The following ZNF433 variants were observed in gnomAD, a reference collection of about 807,000 sequenced individuals.
ZNF433 encodes the protein zinc finger protein 433.
ZNF433 carries 12 observed loss-of-function variants against 10.6 expected under a neutral mutation model. That is an observed-to-expected ratio of 1.13 (90% confidence interval 0.72 to 1.83). ZNF433 has a LOEUF of 1.83. Among genes scored for constraint, ZNF433 ranks in the 40% most tolerant of loss-of-function variants. The pLI is 0.00. For missense variants in ZNF433, 737 were observed against 798.0 expected (o/e 0.92, Z 0.92); for synonymous variants, 272 against 271.3 (o/e 1.00, Z -0.02).
At chr19:12,028,056 T>G (rs1261596932) in intron 1 of ZNF433, 1 of 152,200 alleles carries the variant, frequency 6.6e-6, no homozygotes, top group Non-Finnish European at 1.5e-5. Context: ...CAATTTTGTT[T>G]TTTTGAGACA....
At chr19:12,019,141 C>T (rs1251981235) in intron 1 of ZNF433, among the ~76,000 whole-genome samples, 3 of 151,842 alleles carry the variant, frequency 2.0e-5, no homozygotes, top group Non-Finnish European at 4.4e-5. Flanking sequence ...ACTTTTGTGG[C>T]CAGGCATGGT....
chr19:12,035,268 A>G (rs1294298682), intron 1 of ZNF433, among the ~76,000 whole-genome samples: 1 of 152,034 alleles, frequency 6.6e-6, no homozygotes, highest in African/African-American at 2.4e-5. Context: ...ATGTGGGGAG[A>G]CGCGGGGCAG....
chr19:12,016,577 G>T lies in ZNF433; in HGVS notation c.281C>A (p.Thr94Lys), dbSNP rs1177059356. Residue 94 changes from threonine to lysine, a missense_variant, in exon 4 of 4, where the codon ACA becomes AAA. Physicochemically the swap from Thr to Lys is moderately conservative, Grantham distance 78. Transcript: ENST00000550507. ...TTCGCATGATTTTACTCCAGTAGTT[G>T]TTTTCTTCAGCATGTCATCTGGAAC... is the stretch of plus-strand genomic sequence containing the variant. Reference protein sequence around the residue: ...TQVPDDMLKKTTTGVKSCESS... With the variant: ...TQVPDDMLKKKTTGVKSCESS... 2 of 1,614,100 alleles carry T rather than the reference G, an allele frequency of 1.2e-6. No homozygotes were observed. The highest frequency in any genetic ancestry group is 2.2e-5 in the South Asian group (2 of 91,076).
chr19:12,016,054 A>C lies in ZNF433; in HGVS notation c.804T>G (p.Ala268=). 1.2e-6 allele frequency: 2 copies of C among 1,612,700 alleles called. No individual in the cohort carries two copies. Among genetic ancestry groups the C allele is most frequent in the Non-Finnish European group, 1.7e-6 (2 of 1,179,634 alleles). Residue 268 remains alanine, a synonymous_variant, in exon 4 of 4, where the codon GCT becomes GCG. Coordinates refer to ENST00000550507, the MANE Select transcript of ZNF433 (RefSeq NM_001308348.2). ...TCTCCCCAGTGTGAGTTCTTTTATG[A>C]GCATGAAGGCATGTGGAACTATGGA... ...KAFHSSTCLH[A]HKRTHTGEKP...
At chr19:12,019,736 T>G (rs1410718034) in intron 1 of ZNF433, among the ~76,000 whole-genome samples, 1 of 152,184 alleles carries the variant, frequency 6.6e-6, no homozygotes, top group African/African-American at 2.4e-5. Context: ...ATTGAAATAT[T>G]AATCTTATAA....
Position 12,015,337 on chromosome 19 carries a change from CTGCT to C in ZNF433, c.1517_1520del (p.Lys506SerfsTer161). The C allele has an allele frequency of 6.2e-7, 1 of 1,612,434 alleles. No homozygotes were observed. The highest frequency in any genetic ancestry group is 8.5e-7 in the Non-Finnish European group (1 of 1,179,628). On this transcript the variant is annotated frameshift_variant, in exon 4 of 4. Transcript: ENST00000550507. LOFTEE classifies it low-confidence loss of function (END_TRUNC). ...TCGAACAGTTGAAGGATCTGCCACA[CTGCT>C]TGCATTCATAGGTTTTTCCTCCAGT... is the stretch of plus-strand genomic sequence containing the variant.
Position 12,018,308 on chromosome 19 carries a change from T to C in ZNF433, c.4-16A>G, listed in dbSNP as rs1269176732. Reference sequence around the variant, plus strand: ...CCACTGAATCCTGAAACATCTCACATGTATAGAGGAGGATGGATAAGACTA... The same window carrying C: ...CCACTGAATCCTGAAACATCTCACACGTATAGAGGAGGATGGATAAGACTA... On this transcript the variant is annotated splice_polypyrimidine_tract_variant and intron_variant, in intron 1 of 3. Coordinates refer to ENST00000550507, the MANE Select transcript of ZNF433 (RefSeq NM_001308348.2). The C allele has an allele frequency of 1.2e-6, 2 of 1,608,640 alleles. No individual in the cohort carries two copies. Among genetic ancestry groups the C allele is most frequent in the Admixed American group, 1.7e-5 (1 of 58,302 alleles).
chr19:12,021,422 A>C (rs1974489379), intron 1 of ZNF433, among the ~76,000 whole-genome samples: 1 of 152,180 alleles, frequency 6.6e-6, no homozygotes, highest in Non-Finnish European at 1.5e-5. Flanking sequence ...TAGTATTTCC[A>C]ATCAAGTTCA....
rs202217504 is a variant in ZNF433, at chr19:12,015,043, A to G, written c.1815T>C (p.His605=). 6.2e-7 allele frequency: 1 copy of G among 1,614,074 alleles called. No individual in the cohort carries two copies. The change falls in exon 4 of 4, where the codon CAT becomes CAC. Residue 605 remains histidine (H), a synonymous_variant. Transcript: ENST00000550507. ...SFGCASRLQM[H]GRTHTGEKPY... is the part of the protein sequence containing the mutation. ...GTTTCTCTCCAGTGTGAGTCCTTCC[A>G]TGCATTTGAAGTCGCGAGGCACATC...
At position 12,016,229 on chromosome 19, in the gene ZNF433, T is replaced by C. The variant is rs1288019843; in HGVS notation, c.629A>G (p.Tyr210Cys). 3 of 1,614,048 alleles carry C rather than the reference T, an allele frequency of 1.9e-6. No individual in the cohort carries two copies. The highest frequency in any genetic ancestry group is 2.5e-6 in the Non-Finnish European group (3 of 1,180,026). ...CGKALMFLSL[Y>C]LIHKRTHTGE... ...AGTGTGAGTTCGTTTGTGGATAAGATACAAACTGAGAAACATCAAGGCTTT... is the reference window on the plus strand; with the variant it reads ...AGTGTGAGTTCGTTTGTGGATAAGACACAAACTGAGAAACATCAAGGCTTT... The change falls in exon 4 of 4, where the codon TAT (tyrosine) becomes TGT (cysteine). Residue 210 changes from tyrosine (Y) to cysteine (C), a missense_variant. By Grantham distance (194) the Tyr-to-Cys change is radical. Coordinates refer to ENST00000550507, the MANE Select transcript of ZNF433 (RefSeq NM_001308348.2).
chr19:12,031,305 A>T (rs552295603), intron 1 of ZNF433, among the ~76,000 whole-genome samples: 2 of 130,632 alleles, frequency 1.5e-5, no homozygotes, highest in Non-Finnish European at 3.0e-5. Flanking sequence ...AAAAAAAAAA[A>T]AAAAACAAAA....
Position 12,015,768 on chromosome 19 carries a change from TA to T in ZNF433, c.1089del (p.His363GlnfsTer305), listed in dbSNP as rs771061297. 1 of 1,613,792 alleles carries T rather than the reference TA, an allele frequency of 6.2e-7. No homozygotes were observed. The highest frequency in any genetic ancestry group is 1.3e-5 in the African/African-American group (1 of 74,892). On this transcript the variant is annotated frameshift_variant, in exon 4 of 4. Coordinates refer to ENST00000550507, the MANE Select transcript of ZNF433 (RefSeq NM_001308348.2). LOFTEE classifies it low-confidence loss of function (END_TRUNC). Reference sequence around the variant, plus strand: ...AAGGCTTTCCCACATATCTTACATTTATGAGATATCTCTCCAGTGTGCATTC... The same window carrying T: ...AAGGCTTTCCCACATATCTTACATTTTGAGATATCTCTCCAGTGTGCATTC... ...HLGMHTGEIS[H>X]KCKICGKAFY...
chr19:12,034,220 T>C (rs1276246035), intron 1 of ZNF433, among the ~76,000 whole-genome samples: 1 of 152,230 alleles, frequency 6.6e-6, no homozygotes, highest in Non-Finnish European at 1.5e-5. Flanking sequence ...CCAGGTACAA[T>C]TGGTCGAGTA....
Position 12,015,158 on chromosome 19 carries a change from G to T in ZNF433, c.1700C>A (p.Ala567Asp). The T allele has an allele frequency of 1.2e-6, 2 of 1,613,802 alleles. No individual in the cohort carries two copies. The highest frequency in any genetic ancestry group is 1.7e-6 in the Non-Finnish European group (2 of 1,179,874). The change falls in exon 4 of 4, where the codon GCC becomes GAC. Residue 567 changes from alanine to aspartate, a missense_variant. Ala to Asp is a moderately radical substitution (Grantham distance 126). Coordinates refer to ENST00000550507, the MANE Select transcript of ZNF433 (RefSeq NM_001308348.2). ...TTGAAGGTGTGAGGCAGATCCAAAG[G>T]CTTTCCCACACTGCTTACATTCATA... ...KPYECKQCGK[A>D]FGSASHLQMH...
chr19:12,028,267 A>G (rs1457416221), intron 1 of ZNF433, among the ~76,000 whole-genome samples: 1 of 152,202 alleles, frequency 6.6e-6, no homozygotes, highest in Non-Finnish European at 1.5e-5. Context: ...TCAAATGACT[A>G]CTGCTATAAA....
chr19:12,032,187 CTCGACCTCCCAAAG>C (rs1260071390), intron 1 of ZNF433, among the ~76,000 whole-genome samples: 1 of 152,052 alleles, frequency 6.6e-6, no homozygotes, highest in Non-Finnish European at 1.5e-5. Flanking sequence ...ATCTGTGCGC[CTCGACCTCCCAAAG>C]TGTTGGGATT....
chr19:12,027,098 T>A, intron 1 of ZNF433: 1 of 452,098 alleles, frequency 2.2e-6, no homozygotes, highest in South Asian at 1.6e-5. Flanking sequence ...ATTTAAAGCA[T>A]CCCAGGCACA....
rs376195513 is a variant in ZNF433, at chr19:12,015,972, T to C, written c.886A>G (p.Ile296Val). ...KAFSSSHSFQIHERTHTGEKP... is the reference protein window; with the variant it reads ...KAFSSSHSFQVHERTHTGEKP... ...TCCCCCGTGTGAGTTCTTTCATGTA[T>C]TTGAAAGGAATGGGAAGAGCTGAAG... is the stretch of plus-strand genomic sequence containing the variant. Residue 296 changes from isoleucine (I) to valine (V), a missense_variant, in exon 4 of 4, where the codon ATA (isoleucine) becomes GTA (valine). By Grantham distance (29) the Ile-to-Val change is conservative. Coordinates refer to ENST00000550507, the MANE Select transcript of ZNF433 (RefSeq NM_001308348.2). 137 of 1,613,884 alleles carry C rather than the reference T, an allele frequency of 8.5e-5. No individual in the cohort carries two copies. Among genetic ancestry groups the C allele is most frequent in the Non-Finnish European group, 1.1e-4 (132 of 1,179,892 alleles).
chr19:12,021,621 A>C (rs1568334881), intron 1 of ZNF433, among the ~76,000 whole-genome samples: 1 of 152,248 alleles, frequency 6.6e-6, no homozygotes, highest in Non-Finnish European at 1.5e-5. Flanking sequence ...TATAGTTCTC[A>C]TGACACATAT....
Sources: allele counts gnomAD v4.1 joint callset (sites outside exome capture counted in the v4.1 genomes callset), GRCh38; gene constraint gnomAD v4.1.1; transcripts MANE v1.5; gene names NCBI Gene and HGNC (gene_info 2026-07-23, HGNC 2026-07-21).